Variants in BTBD1 observed in about 807,000 individuals in gnomAD.
BTBD1 encodes the protein BTB domain containing 1.
BTBD1 carries 34 observed loss-of-function variants against 48.0 expected under a neutral mutation model. The ratio of observed to expected loss-of-function variants is 0.71; its 90% CI spans 0.54 to 0.94. The LOEUF (loss-of-function observed/expected upper bound fraction) is 0.94, where lower values mean the gene tolerates loss of function less well. BTBD1 is among the 40% of genes least tolerant of loss of function. BTBD1 has a pLI of 0.00. For missense variants in BTBD1, 543 were observed against 625.6 expected (o/e 0.87, Z 1.41); for synonymous variants, 261 against 242.1 (o/e 1.08, Z -0.72).
In BTBD1 at chr15:83,061,068, G is replaced by A. The variant is rs140182832; in HGVS notation, c.402-4523C>T. Among the ~76,000 whole-genome samples the A allele has an allele frequency of 8.1e-3, 1,235 of 152,198 alleles. 3 individuals are homozygous for A. Among genetic ancestry groups the A allele is most frequent in the Non-Finnish European group, 0.012 (841 of 67,998 alleles). ...ATACATTCTAAGAAAGGCATTGTTC[G>A]GCAATTTCATCATCATGCAAACATC... is the stretch of plus-strand genomic sequence containing the variant. On this transcript the variant is annotated intron_variant, in intron 1 of 7. Coordinates refer to ENST00000261721, the MANE Select transcript of BTBD1 (RefSeq NM_025238.4).
chr15:83,022,997 A>C (rs1458156508), intron 5 of BTBD1, among the ~76,000 whole-genome samples: 4 of 152,176 alleles, frequency 2.6e-5, no homozygotes, highest in African/African-American at 7.2e-5. Context: ...TTAAAAAAAA[A>C]CAGAAAATGC....
intron 3 of BTBD1, among the ~76,000 whole-genome samples, chr15:83,047,382 T>C (rs1483198016): frequency 1.3e-5 from 2 of 152,094 alleles, no homozygotes; most frequent in African/African-American, 4.8e-5. Context: ...AAGAATGGAA[T>C]ATAAATAATC....
chr15:83,057,568 C>T (rs1170307482), intron 1 of BTBD1, among the ~76,000 whole-genome samples: 2 of 152,226 alleles, frequency 1.3e-5, no homozygotes, highest in African/African-American at 4.8e-5. Flanking sequence ...TTTTTCTCTA[C>T]AGCAATCACA....
At chr15:83,057,924 A>G (rs2033115123) in intron 1 of BTBD1, among the ~76,000 whole-genome samples, 1 of 152,210 alleles carries the variant, frequency 6.6e-6, no homozygotes, top group African/African-American at 2.4e-5. Flanking sequence ...CTGGCATTAG[A>G]GTGGGAAGCC....
intron 3 of BTBD1, 21 bp from the exon 4 acceptor site, chr15:83,041,946 A>G: frequency 6.2e-7 from 1 of 1,604,994 alleles, no homozygotes; most frequent in South Asian, 1.1e-5. Context: ...AATACAAAAT[A>G]AACCCAATTA....
At chr15:83,049,871 A>T (rs1396221410) in intron 3 of BTBD1, among the ~76,000 whole-genome samples, 1 of 152,214 alleles carries the variant, frequency 6.6e-6, no homozygotes, top group African/African-American at 2.4e-5. Context: ...TATTTATTTG[A>T]TTTGAAATCT....
In BTBD1 at chr15:83,050,288, T is replaced by C. The variant is rs966932713; in HGVS notation, c.559-110A>G. 6.8e-6 allele frequency: 4 copies of C among 589,978 alleles called. No homozygotes were observed. In the African/African-American group the frequency reaches 7.4e-5, roughly 11 times the overall value. The allele number at this position is 589,978 out of a possible 1,614,324, so 36.5% of individuals were successfully genotyped here. A position where few individuals can be genotyped will look rare whatever the true frequency, so the allele number is the denominator to read the frequency against. The stretch of plus-strand genomic sequence containing the variant: ...GTTATAATTGCTAATTATGTAAAAA[T>C]ATCTACTTAAAATACACGCAATAAT... On this transcript the variant is annotated intron_variant, in intron 2 of 7. Coordinates refer to ENST00000261721, the MANE Select transcript of BTBD1 (RefSeq NM_025238.4).
intron 4 of BTBD1, among the ~76,000 whole-genome samples, chr15:83,034,568 T>G (rs1268443241): frequency 6.6e-6 from 1 of 151,896 alleles, no homozygotes; most frequent in Non-Finnish European, 1.5e-5. Context: ...GAGCCAAGAT[T>G]GTGCCACTGA....
Position 83,030,304 on chromosome 15 carries a change from G to A in BTBD1, c.887C>T (p.Ser296Leu). The A allele has an allele frequency of 1.2e-6, 2 of 1,613,808 alleles. No individual in the cohort carries two copies. Among genetic ancestry groups the A allele is most frequent in the Non-Finnish European group, 1.7e-6 (2 of 1,179,916 alleles). Residue 296 changes from serine (S) to leucine (L), a missense_variant, in exon 5 of 8, where the codon TCA becomes TTA. By Grantham distance (145) the Ser-to-Leu change is moderately radical. Transcript: ENST00000261721. ...AAGPAQSGIL[S>L]DREVVNLFLH... ...AAAGAGGTTTACCACTTCACGATCT[G>A]ACAAAATTCCAGATTGAGCAGGACC...
At chr15:83,039,130 G>A (rs1015096637) in intron 4 of BTBD1, among the ~76,000 whole-genome samples, 4 of 152,040 alleles carry the variant, frequency 2.6e-5, no homozygotes, top group Admixed American at 2.6e-4. Context: ...CACAAACTAT[G>A]TGTTGGACAA....
intron 5 of BTBD1, among the ~76,000 whole-genome samples, chr15:83,025,777 T>C (rs2032393208): frequency 6.6e-6 from 1 of 152,148 alleles, no homozygotes. Flanking sequence ...AACCATTTTT[T>C]CTTTTTTTTT....
rs398028150 is a variant in BTBD1, at chr15:83,052,797, A to ATTTT, written c.559-2623_559-2620dup. Among the ~76,000 whole-genome samples, 237 of 94,524 alleles carry ATTTT rather than the reference A, an allele frequency of 2.5e-3. 10 individuals carry two copies. Among genetic ancestry groups the ATTTT allele is most frequent in the African/African-American group, 8.3e-3 (189 of 22,706 alleles). The allele number at this position is 94,524 out of a possible 152,430, so 62.0% of individuals were successfully genotyped here. ...AGGCGCCCACCACCTCGCCCGGCTA[A>ATTTT]TTTTTTTTTTTTTTTTTTTTTTTTA... On this transcript the variant is annotated intron_variant, in intron 2 of 7. Coordinates refer to ENST00000261721, the MANE Select transcript of BTBD1 (RefSeq NM_025238.4).
intron 4 of BTBD1, among the ~76,000 whole-genome samples, chr15:83,032,610 A>T (rs2032538997): frequency 6.6e-6 from 1 of 152,206 alleles, no homozygotes; most frequent in Non-Finnish European, 1.5e-5. Context: ...CATTATTCTA[A>T]GTGAAGTAAC....
intron 5 of BTBD1, among the ~76,000 whole-genome samples, chr15:83,021,742 A>AAATAATAATAATAATAATAAT (rs57670003): frequency 0.021 from 3,028 of 145,344 alleles, 48 homozygotes; most frequent in Middle Eastern, 0.035. Flanking sequence ...ACTCCTTCTC[A>AAATAATAATAATAATAATAAT]AATAATAATA....
chr15:83,058,927 C>T (rs1014301148), intron 1 of BTBD1, among the ~76,000 whole-genome samples: 2 of 152,168 alleles, frequency 1.3e-5, no homozygotes, highest in African/African-American at 4.8e-5. Context: ...GTGGGAAGTA[C>T]ACTCCAGGAA....
intron 4 of BTBD1, among the ~76,000 whole-genome samples, chr15:83,040,663 G>A (rs1347490715): frequency 7.4e-6 from 1 of 135,880 alleles, no homozygotes; most frequent in Non-Finnish European, 1.5e-5. Context: ...TCGCACGACC[G>A]CACTCCAGCC....
chr15:83,045,021 T>C (rs970110796), intron 3 of BTBD1, among the ~76,000 whole-genome samples: 1 of 152,188 alleles, frequency 6.6e-6, no homozygotes, highest in Non-Finnish European at 1.5e-5. Context: ...TCTAGATGGA[T>C]AGGAAAATCT....
At chr15:83,033,127 G>A (rs2032557257) in intron 4 of BTBD1, among the ~76,000 whole-genome samples, 1 of 151,966 alleles carries the variant, frequency 6.6e-6, no homozygotes, top group African/African-American at 2.4e-5. Context: ...CAGGAGGCTG[G>A]GGTGGGAGGA....
At chr15:83,035,885 T>C (rs936838404) in intron 4 of BTBD1, among the ~76,000 whole-genome samples, 1 of 151,638 alleles carries the variant, frequency 6.6e-6, no homozygotes, top group Non-Finnish European at 1.5e-5. Context: ...GACAATTTCA[T>C]TGCAAGAAAA....
Sources: gnomAD v4.1 joint callset for allele counts (sites outside exome capture counted in the v4.1 genomes callset) on GRCh38, gnomAD v4.1.1 for gene constraint, MANE v1.5 for transcripts, NCBI Gene and HGNC (gene_info 2026-07-23, HGNC 2026-07-21) for gene names.